The following CDYL variants were observed in gnomAD, a reference collection of about 807,000 sequenced individuals.
The protein encoded by CDYL is chromodomain Y like, also known as chromodomain Y-like protein.
Under a neutral mutation model 47.3 loss-of-function variants are expected in CDYL, and 8 were observed. That is an observed-to-expected ratio of 0.17 (90% CI 0.10 to 0.31). The LOEUF is 0.31. Among genes scored for constraint, CDYL ranks in the 10% least tolerant of loss-of-function variants. The pLI is 1.00. For missense variants in CDYL, 471 were observed against 701.4 expected, an observed-to-expected ratio of 0.67 and a Z score of 3.71; for synonymous variants, 266 against 265.0, an observed-to-expected ratio of 1.00 and a Z score of -0.04.
chr6:4,841,513 C>T (rs116465115), intron 1 of CDYL, among the ~76,000 whole-genome samples: 3,445 of 152,032 alleles, frequency 0.023, 130 homozygotes, highest in African/African-American at 0.078. Flanking sequence ...TCAGACTTTT[C>T]AGTGTTAGGC....
intron 2 of CDYL, among the ~76,000 whole-genome samples, chr6:4,901,182 A>G (rs1757043153): frequency 6.6e-6 from 1 of 152,178 alleles, no homozygotes. Context: ...GTCAGATGAC[A>G]TAAAAGGAAT....
In CDYL at chr6:4,887,266, G is replaced by A. The variant is rs538144292; in HGVS notation, c.25-4447G>A. On this transcript the variant is annotated intron_variant, in intron 1 of 6. Coordinates refer to ENST00000397588, the MANE Select transcript of CDYL (RefSeq NM_004824.4). ...CTTTAATGTTAATAAGAGTTACGTCGAATCTAAAGATCAATTTGGAGAGTT... is the reference window on the plus strand; with the variant it reads ...CTTTAATGTTAATAAGAGTTACGTCAAATCTAAAGATCAATTTGGAGAGTT... Among the ~76,000 whole-genome samples, 67 of 152,190 alleles carry A rather than the reference G, an allele frequency of 4.4e-4. 1 individual carries two copies. In the Middle Eastern group the frequency reaches 0.027, roughly 62 times the overall value.
chr6:4,835,877 C>T (rs574178998), intron 1 of CDYL, among the ~76,000 whole-genome samples: 24 of 152,284 alleles, frequency 1.6e-4, no homozygotes, highest in South Asian at 6.2e-4. Context: ...CAGGACCCTC[C>T]GAGCCAGGTG....
intron 3 of CDYL, among the ~76,000 whole-genome samples, chr6:4,753,556 G>T (rs149407045): frequency 1.6e-3 from 246 of 152,292 alleles, no homozygotes; most frequent in African/African-American, 5.8e-3. Context: ...GATCAAACCT[G>T]ATTGTCAGGG....
chr6:4,866,141 A>G (rs1761313673), intron 1 of CDYL, among the ~76,000 whole-genome samples: 1 of 152,198 alleles, frequency 6.6e-6, no homozygotes, highest in South Asian at 2.1e-4. Context: ...CTTGTGGGCC[A>G]ACGAAGAAAA....
At chr6:4,874,228 G>C (rs1665407714) in intron 1 of CDYL, among the ~76,000 whole-genome samples, 1 of 151,990 alleles carries the variant, frequency 6.6e-6, no homozygotes, top group African/African-American at 2.4e-5. Flanking sequence ...AATTTGGTGG[G>C]TATTCTTTGT....
At chr6:4,903,429 C>T (rs190703303) in intron 2 of CDYL, among the ~76,000 whole-genome samples, 3 of 152,246 alleles carry the variant, frequency 2.0e-5, no homozygotes, top group Admixed American at 1.3e-4. Flanking sequence ...CATTTTCTTC[C>T]GTGATGGTTC....
rs77571371 is a variant in CDYL, at chr6:4,896,180, A to G, written c.691+3801A>G. On this transcript the variant is annotated intron_variant, in intron 2 of 6. Transcript: ENST00000397588. ...ATGACATCCCCTGCGGCCTTGATCT[A>G]AATCAGGCTTGCAGATTAACGAGGA... 1.9e-3 allele frequency among the ~76,000 whole-genome samples: 283 copies of G among 152,344 alleles called. 1 individual carries two copies. Among genetic ancestry groups the G allele is most frequent in the African/African-American group, 6.7e-3 (278 of 41,584 alleles).
chr6:4,826,205 A>G (rs116713094), intron 1 of CDYL, among the ~76,000 whole-genome samples: 4,287 of 152,232 alleles, frequency 0.028, 186 homozygotes, highest in African/African-American at 0.092. Context: ...CATTGATTCA[A>G]TGGTCCTCAC....
chr6:4,744,582 ATTACT>A lies in CDYL; in HGVS notation c.186+9742_186+9746del, dbSNP rs532005428. 3.3e-5 allele frequency among the ~76,000 whole-genome samples: 5 copies of A among 152,328 alleles called. No homozygotes were observed. The East Asian group carries it at 9.6e-4, about 29-fold the overall frequency. ...AAAGTCCAGAGTCCTACTACCACTG[ATTACT>A]TTAAGAACCAACATTTCTTGTCACT... On this transcript the variant is annotated intron_variant, in intron 3 of 8. Coordinates refer to the CDYL transcript ENST00000328908.
At chr6:4,848,930 TTAA>T (rs1760743575) in intron 1 of CDYL, among the ~76,000 whole-genome samples, 1 of 152,264 alleles carries the variant, frequency 6.6e-6, no homozygotes. Flanking sequence ...GTTTACTTTG[TTAA>T]TAATACTTGA....
intron 2 of CDYL, among the ~76,000 whole-genome samples, chr6:4,729,196 G>A (rs151227251): frequency 6.6e-6 from 1 of 152,254 alleles, no homozygotes; most frequent in East Asian, 1.9e-4. Flanking sequence ...ACCCAGCTCT[G>A]TAGCATCTTT....
At chr6:4,748,704 TATAAA>T (rs1757939078) in intron 3 of CDYL, among the ~76,000 whole-genome samples, 2 of 147,792 alleles carry the variant, frequency 1.4e-5, no homozygotes, top group Non-Finnish European at 3.0e-5. Context: ...TAAAAAAAAA[TATAAA>T]GAAAAGAAAT....
intron 2 of CDYL, among the ~76,000 whole-genome samples, chr6:4,902,391 T>A (rs1200426232): frequency 2.9e-5 from 4 of 138,114 alleles, no homozygotes; most frequent in Non-Finnish European, 6.2e-5. Flanking sequence ...GGGCAACGAG[T>A]GAAGCTCCAT....
Position 4,934,267 on chromosome 6 carries a change from A to G in CDYL, c.692-1248A>G, listed in dbSNP as rs149923422. ...CAGGCTGTGGGGGGCTTTCACCTTA[A>G]TATCTTTTATATTCTTAGGTTTTTG... On this transcript the variant is annotated intron_variant, in intron 2 of 6. Transcript: ENST00000397588. Among the ~76,000 whole-genome samples, 402 of 152,214 alleles carry G rather than the reference A, an allele frequency of 2.6e-3. 3 individuals are homozygous for G. Among genetic ancestry groups the G allele is most frequent in the African/African-American group, 9.2e-3 (381 of 41,516 alleles).
chr6:4,912,388 C>T (rs1757439969), intron 2 of CDYL, among the ~76,000 whole-genome samples: 1 of 152,238 alleles, frequency 6.6e-6, no homozygotes, highest in African/African-American at 2.4e-5. Context: ...CCTGGAGGGT[C>T]ACTGTTCCCT....
chr6:4,803,118 C>T (rs943828404), intron 1 of CDYL, among the ~76,000 whole-genome samples: 9 of 152,206 alleles, frequency 5.9e-5, no homozygotes, highest in East Asian at 1.9e-4. Context: ...GCAGTCCCTT[C>T]GGACCTGGCT....
chr6:4,739,675 C>T (rs763101778), intron 3 of CDYL, among the ~76,000 whole-genome samples: 7 of 151,852 alleles, frequency 4.6e-5, no homozygotes, highest in Non-Finnish European at 4.4e-5. Flanking sequence ...TGATTGAGGC[C>T]GGGCGTGGTG....
At chr6:4,863,448 T>A (rs1159495080) in intron 1 of CDYL, among the ~76,000 whole-genome samples, 2 of 152,228 alleles carry the variant, frequency 1.3e-5, no homozygotes, top group African/African-American at 4.8e-5. Flanking sequence ...AATTTCTTGT[T>A]CTTTTGGAAT....
Sources: allele counts gnomAD v4.1 joint callset (sites outside exome capture counted in the v4.1 genomes callset), GRCh38; gene constraint gnomAD v4.1.1; transcripts MANE v1.5; gene names NCBI Gene and HGNC (gene_info 2026-07-23, HGNC 2026-07-21).